DOCK3: variants seen among roughly 807,000 people sequenced by gnomAD.
DOCK3 encodes dedicator of cytokinesis 3.
Under a neutral mutation model 265.6 loss-of-function variants are expected in DOCK3, and 60 were observed. The ratio of observed to expected loss-of-function variants is 0.23; its 90% CI spans 0.18 to 0.28. DOCK3 has a LOEUF of 0.28. DOCK3 is among the 10% of genes least tolerant of loss of function. The probability of loss-of-function intolerance (pLI) is 1.00; values close to 1 mark genes in which losing one functional copy is unlikely to be tolerated. For synonymous variants in DOCK3, 881 were observed against 938.0 expected, an observed-to-expected ratio of 0.94 and a Z score of 1.11; for missense variants, 1,981 against 2,594.3, an observed-to-expected ratio of 0.76 and a Z score of 5.14.
rs573595492 is a variant in DOCK3 at position 51,115,536 on chromosome 3, G to A, written c.746+25152G>A. On this transcript the variant is annotated intron_variant, in intron 9 of 52. Coordinates refer to ENST00000266037, the MANE Select transcript of DOCK3 (RefSeq NM_004947.5). ...TTTGTTTAAGTTCCTTATAGATTCC[G>A]GATATTAGCCCTTTGTCAGATAGGT... is the stretch of plus-strand genomic sequence containing the variant. Among the ~76,000 whole-genome samples, 8 of 152,032 alleles carry A rather than the reference G, an allele frequency of 5.3e-5. No homozygotes were observed. The South Asian group carries it at 1.0e-3, about 20-fold the overall frequency.
chr3:51,204,178 A>G (rs1359159147), intron 12 of DOCK3, among the ~76,000 whole-genome samples: 3 of 147,980 alleles, frequency 2.0e-5, no homozygotes, highest in Admixed American at 6.8e-5. Context: ...ATCTAATTAA[A>G]CTAAAGAGCT....
chr3:50,778,172 CTA>C (rs2041716039), intron 1 of DOCK3, among the ~76,000 whole-genome samples: 1 of 151,942 alleles, frequency 6.6e-6, no homozygotes, highest in African/African-American at 2.4e-5. Context: ...TGATTGTTAT[CTA>C]TAGATTTTTT....
chr3:51,126,902 C>T (rs1450358283), intron 9 of DOCK3, among the ~76,000 whole-genome samples: 1 of 152,106 alleles, frequency 6.6e-6, no homozygotes, highest in Non-Finnish European at 1.5e-5. Flanking sequence ...TTTTCCTGAT[C>T]TCCCTCCTTT....
chr3:51,243,801 A>G (rs1041702463), intron 21 of DOCK3, among the ~76,000 whole-genome samples: 8 of 152,106 alleles, frequency 5.3e-5, no homozygotes, highest in Admixed American at 1.3e-4. Flanking sequence ...GCTTTCACCT[A>G]TCTTTTCTTT....
intron 1 of DOCK3, among the ~76,000 whole-genome samples, chr3:50,743,501 C>A (rs562307452): frequency 1.7e-4 from 26 of 148,970 alleles, no homozygotes; most frequent in Non-Finnish European, 3.0e-5. Flanking sequence ...GGAGGAAGAT[C>A]TACCAAGCAA....
In DOCK3 at chr3:51,277,646, G is replaced by T. The variant is rs1168376006; in HGVS notation, c.2715G>T (p.Glu905Asp). ...TGGAGGAAGTAGAGATGATGGTGGAGAGCCTCCTGGACGTGCTCTTGCAGA... is the reference window on the plus strand; with the variant it reads ...TGGAGGAAGTAGAGATGATGGTGGATAGCCTCCTGGACGTGCTCTTGCAGA... ...DVMEEVEMMV[E>D]SLLDVLLQTL... is the part of the protein sequence containing the mutation. The change falls in exon 26 of 53, where the codon GAG becomes GAT. Residue 905 changes from glutamate (E) to aspartate (D), a missense_variant. Physicochemically the swap from Glu to Asp is conservative, Grantham distance 45. This residue lies in a region of DOCK3 where 1,357 missense variants were observed against 1,866.8 expected (regional missense o/e 0.73). Coordinates refer to ENST00000266037, the MANE Select transcript of DOCK3 (RefSeq NM_004947.5). 1 of 1,578,986 alleles carries T rather than the reference G, an allele frequency of 6.3e-7. No homozygotes were observed. The highest frequency in any genetic ancestry group is 8.6e-7 in the Non-Finnish European group (1 of 1,161,948).
chr3:50,787,902 G>A, intron 2 of DOCK3: 1 of 1,040,498 alleles, frequency 9.6e-7, no homozygotes, highest in Non-Finnish European at 1.5e-6. Context: ...TTTAATGTTT[G>A]ATTATTAAGG....
chr3:50,863,432 T>C lies in DOCK3; in HGVS notation c.162+21717T>C, dbSNP rs577064935. ...CTGGGTTACAAGGGCAGAGGGTCTT[T>C]CCAACAGTTTGGTGATTCATAGAAT... On this transcript the variant is annotated intron_variant, in intron 3 of 52. Transcript: ENST00000266037. The C allele has an allele frequency of 2.7e-5, 14 of 520,012 alleles. No individual in the cohort carries two copies. The East Asian group carries it at 7.6e-4, about 28-fold the overall frequency. 32.2% of individuals were successfully genotyped at this position (520,012 alleles called of 1,614,324 possible). A position where few individuals can be genotyped will look rare whatever the true frequency, so the allele number is the denominator to read the frequency against.
At position 51,357,092 on chromosome 3, in the gene DOCK3, A is replaced by G; in HGVS notation, c.4634A>G (p.Asn1545Ser). Residue 1545 changes from asparagine (N) to serine (S), a missense_variant, in exon 44 of 53, where the codon AAT (asparagine) becomes AGT (serine). Around this residue, in one of 4 missense-constraint regions of DOCK3, gnomAD observed 1,357 missense variants for 1,866.8 expected, o/e 0.73. Coordinates refer to ENST00000266037, the MANE Select transcript of DOCK3 (RefSeq NM_004947.5). Reference protein sequence around the residue: ...GNINLLSMCLNGVIDAAVNGG... With the variant: ...GNINLLSMCLSGVIDAAVNGG... ...ATTAACCTGCTAAGCATGTGCCTGA[A>G]TGGTGTCATTGATGCAGCTGTCAAT... 1 of 1,612,920 alleles carries G rather than the reference A, an allele frequency of 6.2e-7. No individual in the cohort carries two copies. Among genetic ancestry groups the G allele is most frequent in the Non-Finnish European group, 8.5e-7 (1 of 1,179,880 alleles).
chr3:51,187,383 C>T (rs1311803068), intron 12 of DOCK3, among the ~76,000 whole-genome samples: 1 of 152,186 alleles, frequency 6.6e-6, no homozygotes, highest in East Asian at 1.9e-4. Context: ...TAGGAAGTGA[C>T]TAACTTGCTT....
intron 1 of DOCK3, among the ~76,000 whole-genome samples, chr3:50,770,488 A>G (rs2041205370): frequency 6.6e-6 from 1 of 152,174 alleles, no homozygotes; most frequent in South Asian, 2.1e-4. Context: ...TGATTGGAAC[A>G]ATCAGTATTT....
At chr3:50,905,805 T>C (rs1329350167) in intron 4 of DOCK3, among the ~76,000 whole-genome samples, 2 of 152,122 alleles carry the variant, frequency 1.3e-5, no homozygotes, top group East Asian at 3.8e-4. Flanking sequence ...CTATGTTGAA[T>C]AGGAGTGGTG....
At chr3:51,169,595 G>C (rs886569249) in intron 12 of DOCK3, among the ~76,000 whole-genome samples, 1 of 152,010 alleles carries the variant, frequency 6.6e-6, no homozygotes, top group African/African-American at 2.4e-5. Flanking sequence ...TGAGGATGAG[G>C]GTGGGACGAG....
rs372299775 is a variant in DOCK3, at chr3:51,227,458, T to A, written c.1540+13T>A. The A allele has an allele frequency of 6.2e-6, 10 of 1,613,094 alleles. No individual in the cohort carries two copies. The African/African-American group carries it at 1.1e-4, about 17-fold the overall frequency. The stretch of plus-strand genomic sequence containing the variant: ...AGACATTGTTCCAGTGAGTTAGACT[T>A]CCCCCCCTCCACATTCCCTTGAGAA... On this transcript the variant is annotated intron_variant, in intron 16 of 52. Transcript: ENST00000266037.
intron 32 of DOCK3, among the ~76,000 whole-genome samples, chr3:51,315,807 T>G (rs933744381): frequency 6.6e-6 from 1 of 152,080 alleles, no homozygotes; most frequent in African/African-American, 2.4e-5. Context: ...ATTTTCTCTC[T>G]TGGCAGATGA....
At chr3:51,056,794 C>T (rs2081219163) in intron 5 of DOCK3, among the ~76,000 whole-genome samples, 1 of 152,086 alleles carries the variant, frequency 6.6e-6, no homozygotes, top group African/African-American at 2.4e-5. Context: ...AACCCATCTA[C>T]TTATGTATAA....
intron 4 of DOCK3, among the ~76,000 whole-genome samples, chr3:50,911,237 C>T (rs2049837937): frequency 6.6e-6 from 1 of 152,044 alleles, no homozygotes; most frequent in African/African-American, 2.4e-5. Context: ...TTTGCCCAGA[C>T]AAATGTGCTG....
intron 1 of DOCK3, among the ~76,000 whole-genome samples, chr3:50,728,815 A>G (rs1217048873): frequency 1.3e-5 from 2 of 150,796 alleles, no homozygotes; most frequent in Non-Finnish European, 3.0e-5. Flanking sequence ...CTCTGCCTCC[A>G]GAGTTCAAGC....
At chr3:50,870,706 C>A (rs1012879754) in intron 3 of DOCK3, among the ~76,000 whole-genome samples, 9 of 151,574 alleles carry the variant, frequency 5.9e-5, no homozygotes, top group Non-Finnish European at 1.5e-5. Flanking sequence ...TCCATTCTAT[C>A]TTCTTTTTTG....
Sources: gnomAD v4.1 joint callset for allele counts (sites outside exome capture counted in the v4.1 genomes callset) on GRCh38, gnomAD v4.1.1 for gene constraint, gnomAD v4.1.1 regional missense constraint, MANE v1.5 for transcripts, NCBI Gene and HGNC (gene_info 2026-07-23, HGNC 2026-07-21) for gene names.